LIPC: variants seen among roughly 807,000 people sequenced by gnomAD.
LIPC encodes the protein lipase C, hepatic type.
Under a neutral mutation model 50.7 loss-of-function variants are expected in LIPC, and 44 were observed. The ratio of observed to expected loss-of-function variants is 0.87; its 90% CI spans 0.68 to 1.11. The LOEUF (loss-of-function observed/expected upper bound fraction) is 1.11, where lower values mean the gene tolerates loss of function less well. Ranked by LOEUF, LIPC falls within the 50% of genes most tolerant of loss-of-function variation. LIPC has a pLI of 0.00. For missense variants in LIPC, 697 were observed against 648.2 expected (o/e 1.08, Z -0.82); for synonymous variants, 271 against 256.4 (o/e 1.06, Z -0.54).
intron 1 of LIPC, among the ~76,000 whole-genome samples, chr15:58,475,559 C>A (rs1890965878): frequency 6.6e-6 from 1 of 152,204 alleles, no homozygotes; most frequent in Non-Finnish European, 1.5e-5. Context: ...AGGTGACTGT[C>A]CCCTCTGGTT....
chr15:58,556,129 A>G (rs1308026366), intron 6 of LIPC, among the ~76,000 whole-genome samples: 1 of 152,204 alleles, frequency 6.6e-6, no homozygotes, highest in Non-Finnish European at 1.5e-5. Context: ...TATGTAAAAC[A>G]CTTAGTATGT....
At chr15:58,459,332 G>A (rs538262868) in intron 1 of LIPC, among the ~76,000 whole-genome samples, 134 of 152,048 alleles carry the variant, frequency 8.8e-4, no homozygotes, top group African/African-American at 3.1e-3. Flanking sequence ...AACATTTGCT[G>A]GTGACATTGT....
At chr15:58,516,237 C>CTTTTTTTTT (rs11351202) in intron 1 of LIPC, among the ~76,000 whole-genome samples, 25 of 45,156 alleles carry the variant, frequency 5.5e-4, no homozygotes, top group Non-Finnish European at 6.2e-4. Flanking sequence ...CCTCTAGCTT[C>CTTTTTTTTT]TTTTTTTTTT....
chr15:58,547,694 G>C (rs1421426567), intron 5 of LIPC, among the ~76,000 whole-genome samples: 1 of 151,878 alleles, frequency 6.6e-6, no homozygotes. Flanking sequence ...TTTTGGGGGT[G>C]AGGCCTGTCC....
At chr15:58,495,261 G>A (rs1309946898) in intron 1 of LIPC, among the ~76,000 whole-genome samples, 1 of 152,180 alleles carries the variant, frequency 6.6e-6, no homozygotes, top group Non-Finnish European at 1.5e-5. Flanking sequence ...GAAAGACTGG[G>A]TGATTCTACC....
intron 1 of LIPC, among the ~76,000 whole-genome samples, chr15:58,438,146 C>T (rs751217879): frequency 4.4e-4 from 67 of 152,162 alleles, no homozygotes; most frequent in Non-Finnish European, 7.5e-4. Context: ...TGGCTACCCA[C>T]GATGGCCCTC....
rs180895093 is a variant in LIPC, at chr15:58,440,631, G to A, written c.88+8511G>A. Among the ~76,000 whole-genome samples, 22 of 152,322 alleles carry A rather than the reference G, an allele frequency of 1.4e-4. No individual in the cohort carries two copies. In the East Asian group the frequency reaches 4.2e-3, roughly 29 times the overall value. ...TATGGGGTGTGTGTGGGGGCAGGGA[G>A]GTTGGAGATTGGGAGAGGCGCATAA... On this transcript the variant is annotated intron_variant, in intron 1 of 8. Coordinates refer to ENST00000299022, the MANE Select transcript of LIPC (RefSeq NM_000236.3).
chr15:58,563,602 A>G lies in LIPC; in HGVS notation c.1267A>G (p.Ser423Gly). The G allele has an allele frequency of 6.2e-7, 1 of 1,614,228 alleles. No homozygotes were observed. Among genetic ancestry groups the G allele is most frequent in the Non-Finnish European group, 8.5e-7 (1 of 1,180,040 alleles). ...LIMIKFKWEN[S>G]AVWANVWDTV... ...CATGATCAAGTTCAAGTGGGAAAAC[A>G]GTGCAGTGTGGGCCAATGTCTGGGA... Residue 423 changes from serine to glycine, a missense_variant, in exon 8 of 9, where the codon AGT (serine) becomes GGT (glycine). By Grantham distance (56) the Ser-to-Gly change is moderately conservative. Transcript: ENST00000299022.
chr15:58,541,000 C>T (rs1893299506), intron 2 of LIPC, among the ~76,000 whole-genome samples: 2 of 152,012 alleles, frequency 1.3e-5, no homozygotes, highest in African/African-American at 2.4e-5. Flanking sequence ...GGGGTTTCAC[C>T]ATGTTCCCCA....
intron 1 of LIPC, among the ~76,000 whole-genome samples, chr15:58,471,425 G>A (rs1457468667): frequency 1.3e-5 from 2 of 151,820 alleles, no homozygotes; most frequent in Non-Finnish European, 2.9e-5. Flanking sequence ...TGGGGTTACA[G>A]GTGTGAGCCA....
rs533547342 is a variant in LIPC at position 58,469,878 on chromosome 15, G to A, written c.88+37758G>A. On this transcript the variant is annotated intron_variant, in intron 1 of 8. Coordinates refer to ENST00000299022, the MANE Select transcript of LIPC (RefSeq NM_000236.3). ...AGAGAATAGAGGAGCTGATGGGCAC[G>A]TCACATTTTTCTCAATGCTGGATGA... Among the ~76,000 whole-genome samples the A allele has an allele frequency of 1.1e-4, 17 of 151,774 alleles. No individual in the cohort carries two copies. The South Asian group carries it at 1.2e-3, about 11-fold the overall frequency.
intron 1 of LIPC, among the ~76,000 whole-genome samples, chr15:58,528,515 CT>C (rs1287769103): frequency 2.6e-5 from 4 of 151,620 alleles, no homozygotes; most frequent in Admixed American, 2.6e-4. Flanking sequence ...AGCTCGGTGC[CT>C]TTTTTTTTCT....
intron 4 of LIPC, 130 bp downstream of exon 4, chr15:58,542,781 G>A (rs1198378143): frequency 2.9e-6 from 2 of 686,082 alleles, no homozygotes; most frequent in Non-Finnish European, 5.4e-6. Flanking sequence ...CTCATGAGAG[G>A]ACTTGTGACA....
At chr15:58,432,995 C>T (rs966979907) in intron 1 of LIPC, among the ~76,000 whole-genome samples, 2 of 152,190 alleles carry the variant, frequency 1.3e-5, no homozygotes, top group Non-Finnish European at 2.9e-5. Context: ...CTTTTTTCCC[C>T]TTTAAGAAAA....
At chr15:58,561,444 G>A (rs1894158928) in intron 7 of LIPC, among the ~76,000 whole-genome samples, 1 of 151,938 alleles carries the variant, frequency 6.6e-6, no homozygotes. Context: ...GATTAGATAA[G>A]GGGTTGTGGA....
chr15:58,465,006 A>G (rs553505352), intron 1 of LIPC, among the ~76,000 whole-genome samples: 6 of 152,280 alleles, frequency 3.9e-5, no homozygotes, highest in Non-Finnish European at 5.9e-5. Flanking sequence ...CCCACCACAC[A>G]ACAAAACATA....
intron 6 of LIPC, among the ~76,000 whole-genome samples, chr15:58,558,868 T>A (rs1429935259): frequency 6.6e-6 from 1 of 152,238 alleles, no homozygotes; most frequent in Non-Finnish European, 1.5e-5. Flanking sequence ...AGTATTTGGC[T>A]CTTGTTGTGA....
chr15:58,491,670 T>C (rs1891591053), intron 1 of LIPC, among the ~76,000 whole-genome samples: 1 of 152,180 alleles, frequency 6.6e-6, no homozygotes, highest in African/African-American at 2.4e-5. Context: ...AACTTCACAG[T>C]CGTACTTTTA....
chr15:58,538,218 A>G, intron 1 of LIPC, 115 bp from the exon 2 acceptor site: 2 of 1,003,614 alleles, frequency 2.0e-6, no homozygotes, highest in Non-Finnish European at 1.6e-6. Context: ...TCTGATCTCC[A>G]GCATCTCCCA....
Sources: gnomAD v4.1 joint callset for allele counts (sites outside exome capture counted in the v4.1 genomes callset) on GRCh38, gnomAD v4.1.1 for gene constraint, MANE v1.5 for transcripts, NCBI Gene and HGNC (gene_info 2026-07-23, HGNC 2026-07-21) for gene names.